TMTC2: variants seen among roughly 807,000 people sequenced by gnomAD.
The protein encoded by TMTC2 is transmembrane O-mannosyltransferase targeting cadherins 2, also known as protein O-mannosyl-transferase TMTC2.
A neutral mutation model predicts 82.4 loss-of-function variants in TMTC2; 43 were observed. The ratio of observed to expected loss-of-function variants is 0.52; its 90% CI spans 0.41 to 0.67. The LOEUF (loss-of-function observed/expected upper bound fraction) is 0.67, where lower values mean the gene tolerates loss of function less well. Ranked by LOEUF, TMTC2 falls within the 30% of genes least tolerant of loss-of-function variation. The pLI is 0.00. For missense variants in TMTC2, 919 were observed against 1,012.4 expected (o/e 0.91, Z 1.25); for synonymous variants, 408 against 381.9 (o/e 1.07, Z -0.80).
intron 1 of TMTC2, among the ~76,000 whole-genome samples, chr12:82,730,333 C>G (rs1048991606): frequency 1.4e-5 from 2 of 147,012 alleles, no homozygotes; most frequent in Non-Finnish European, 1.5e-5. Context: ...CCTACCTCAT[C>G]CACTCCCTAT....
intron 1 of TMTC2, among the ~76,000 whole-genome samples, chr12:82,836,626 A>G (rs913760287): frequency 6.6e-6 from 1 of 152,168 alleles, no homozygotes; most frequent in Non-Finnish European, 1.5e-5. Context: ...ACTGAAACCC[A>G]TTTTGGACTT....
chr12:82,700,047 T>C (rs1872997017), intron 1 of TMTC2, among the ~76,000 whole-genome samples: 1 of 152,140 alleles, frequency 6.6e-6, no homozygotes, highest in East Asian at 1.9e-4. Context: ...TATATGAAAA[T>C]GTGATGCCAT....
At chr12:83,119,821 C>T (rs141467146) in intron 11 of TMTC2, among the ~76,000 whole-genome samples, 19 of 152,188 alleles carry the variant, frequency 1.2e-4, no homozygotes, top group African/African-American at 4.6e-4. Context: ...GTGGGAGCTC[C>T]AGTGTAAGTG....
intron 11 of TMTC2, among the ~76,000 whole-genome samples, chr12:83,089,211 T>C (rs1022778642): frequency 2.0e-5 from 3 of 152,246 alleles, no homozygotes; most frequent in Non-Finnish European, 4.4e-5. Context: ...TACAACTTCC[T>C]AACTTATGCT....
chr12:82,891,762 C>T (rs373671881), intron 2 of TMTC2, among the ~76,000 whole-genome samples: 4 of 152,010 alleles, frequency 2.6e-5, no homozygotes, highest in African/African-American at 7.3e-5. Flanking sequence ...CATAGGTGAA[C>T]GTGTGTTTTG....
intron 3 of TMTC2, among the ~76,000 whole-genome samples, chr12:82,913,298 C>T (rs1417752856): frequency 6.6e-6 from 1 of 152,090 alleles, no homozygotes; most frequent in Non-Finnish European, 1.5e-5. Flanking sequence ...AAGCAAGAGG[C>T]TGTGCACTGC....
At chr12:82,899,524 A>T in intron 3 of TMTC2, among the ~76,000 whole-genome samples, 1 of 146,136 alleles carries the variant, frequency 6.8e-6, no homozygotes, top group South Asian at 2.1e-4. Flanking sequence ...TATATATAGG[A>T]ATATATATAT....
chr12:82,931,120 G>A (rs1287089081), intron 4 of TMTC2, among the ~76,000 whole-genome samples: 3 of 152,010 alleles, frequency 2.0e-5, no homozygotes, highest in African/African-American at 7.2e-5. Context: ...ATATTGCCCA[G>A]ACTGGTGCCT....
In TMTC2 at chr12:82,899,679, AAT is replaced by A. The variant is rs1225760344; in HGVS notation, c.1483+3045_1483+3046del. ...TATATATATAAGAATATATATGTGG[AAT>A]ATATATATATAAGAAAATATATATA... On this transcript the variant is annotated intron_variant, in intron 3 of 11. Coordinates refer to ENST00000321196, the MANE Select transcript of TMTC2 (RefSeq NM_152588.3). 5.0e-4 allele frequency among the ~76,000 whole-genome samples: 70 copies of A among 140,758 alleles called. 4 individuals carry two copies. Among genetic ancestry groups the A allele is most frequent in the South Asian group, 2.6e-3 (12 of 4,586 alleles). The allele number at this position is 140,758 out of a possible 152,430, so 92.3% of individuals were successfully genotyped here.
rs541390520 is a variant in TMTC2, at chr12:82,841,821, C to T, written c.84-15189C>T. Among the ~76,000 whole-genome samples, 227 of 152,304 alleles carry T rather than the reference C, an allele frequency of 1.5e-3. 1 individual carries two copies. The highest frequency in any genetic ancestry group is 5.0e-3 in the African/African-American group (207 of 41,578). Reference sequence around the variant, plus strand: ...AGGTTAGCGTTTGGCTCTCATAAAGCTGCCTTTTCCACCCGTCACTGCAAG... The same window carrying T: ...AGGTTAGCGTTTGGCTCTCATAAAGTTGCCTTTTCCACCCGTCACTGCAAG... On this transcript the variant is annotated intron_variant, in intron 1 of 11. Coordinates refer to ENST00000321196, the MANE Select transcript of TMTC2 (RefSeq NM_152588.3).
At chr12:83,029,223 C>A (rs544774539) in intron 8 of TMTC2, among the ~76,000 whole-genome samples, 1 of 152,240 alleles carries the variant, frequency 6.6e-6, no homozygotes, top group African/African-American at 2.4e-5. Flanking sequence ...AGTTGTCCAA[C>A]CCACAGCCTG....
intron 4 of TMTC2, among the ~76,000 whole-genome samples, chr12:82,951,365 A>G (rs1592651951): frequency 6.6e-6 from 1 of 151,936 alleles, no homozygotes; most frequent in Admixed American, 6.6e-5. Flanking sequence ...ATCTCGGCTC[A>G]CTGCAATCTC....
intron 10 of TMTC2, among the ~76,000 whole-genome samples, chr12:83,058,913 G>A (rs1251973393): frequency 6.6e-6 from 1 of 151,738 alleles, no homozygotes; most frequent in Non-Finnish European, 1.5e-5. Context: ...GTGGGTATCT[G>A]GCACTGTTTT....
chr12:82,890,470 T>C (rs1873339545), intron 2 of TMTC2, among the ~76,000 whole-genome samples: 1 of 152,218 alleles, frequency 6.6e-6, no homozygotes, highest in Non-Finnish European at 1.5e-5. Flanking sequence ...ATTTATGTTT[T>C]GTTATGGTTT....
At chr12:82,970,395 A>C (rs1189893044) in intron 7 of TMTC2, among the ~76,000 whole-genome samples, 1 of 152,156 alleles carries the variant, frequency 6.6e-6, no homozygotes, top group Admixed American at 6.5e-5. Flanking sequence ...GCAGTGGCGC[A>C]ATCTCGCCTC....
At chr12:83,061,280 A>G (rs1261352905) in intron 10 of TMTC2, among the ~76,000 whole-genome samples, 2 of 151,808 alleles carry the variant, frequency 1.3e-5, no homozygotes, top group Non-Finnish European at 1.5e-5. Context: ...TCTGTTAACT[A>G]CACAGGAAAA....
chr12:82,871,277 C>T (rs895060987), intron 2 of TMTC2, among the ~76,000 whole-genome samples: 4 of 152,184 alleles, frequency 2.6e-5, no homozygotes, highest in Middle Eastern at 3.4e-3. Context: ...ATATCTGACT[C>T]CAAAGCTCAT....
At chr12:82,986,234 A>G (rs1879149158) in intron 8 of TMTC2, 188 bp downstream of exon 8, 3 of 667,368 alleles carry the variant, frequency 4.5e-6, no homozygotes, top group African/African-American at 1.8e-5. Context: ...GGTTTGGTCT[A>G]GATAAGATGT....
chr12:82,982,921 T>C (rs1807021012), intron 7 of TMTC2, among the ~76,000 whole-genome samples: 1 of 152,060 alleles, frequency 6.6e-6, no homozygotes, highest in Non-Finnish European at 1.5e-5. Flanking sequence ...CTCAATTTTT[T>C]CCATCTTTAA....
Sources: gnomAD v4.1 joint callset for allele counts (sites outside exome capture counted in the v4.1 genomes callset) on GRCh38, gnomAD v4.1.1 for gene constraint, MANE v1.5 for transcripts, NCBI Gene and HGNC (gene_info 2026-07-23, HGNC 2026-07-21) for gene names.